SLC35A3: variants seen among roughly 807,000 people sequenced by gnomAD.
SLC35A3 encodes UDP-N-acetylglucosamine transporter.
SLC35A3 carries 26 observed loss-of-function variants against 39.0 expected under a neutral mutation model. The observed-to-expected ratio is 0.67, with a 90% CI of 0.49 to 0.92. The LOEUF is 0.92. Ranked by LOEUF, SLC35A3 falls within the 40% of genes least tolerant of loss-of-function variation. SLC35A3 has a pLI of 0.00. For missense variants in SLC35A3, 299 were observed against 371.6 expected, an observed-to-expected ratio of 0.80 and a Z score of 1.61; for synonymous variants, 135 against 133.1, an observed-to-expected ratio of 1.01 and a Z score of -0.10.
At position 100,033,415 on chromosome 1, in the gene SLC35A3, CTCTTA is replaced by C. The variant is rs1267467194; in HGVS notation, c.*10941_*10945del. The C allele has an allele frequency of 4.7e-5, 7 of 150,360 alleles. No individual in the cohort carries two copies. In the East Asian group the frequency reaches 5.8e-4, roughly 12 times the overall value. 9.3% of individuals were successfully genotyped at this position (150,360 alleles called of 1,614,324 possible). ...TCTCTTATAAGTAATTATTATCCAT[CTCTTA>C]TAAGTAATTATTATAAGTATTTTCT... On this transcript the variant is annotated 3_prime_UTR_variant, in exon 8 of 8. Coordinates refer to ENST00000533028, the MANE Select transcript of SLC35A3 (RefSeq NM_012243.3).
chr1:99,986,771 A>G (rs1470251491), intron 1 of SLC35A3, among the ~76,000 whole-genome samples: 25 of 152,074 alleles, frequency 1.6e-4, no homozygotes. Flanking sequence ...TATTTTTTGT[A>G]GAGACAAGTT....
rs1557855744 is a variant in SLC35A3, at chr1:100,031,759, G to A, written c.*9283G>A. On this transcript the variant is annotated 3_prime_UTR_variant, in exon 8 of 8. Transcript: ENST00000533028. Reference sequence around the variant, plus strand: ...AAAAATGATTTTTTATAGCTTTTTTGTTTTGGAACGAGGGTAAAATCAAGG... The same window carrying A: ...AAAAATGATTTTTTATAGCTTTTTTATTTTGGAACGAGGGTAAAATCAAGG... 1.3e-5 allele frequency: 2 copies of A among 152,036 alleles called. No individual in the cohort carries two copies. Among genetic ancestry groups the A allele is most frequent in the South Asian group, 4.1e-4 (2 of 4,826 alleles). 9.4% of individuals were successfully genotyped at this position (152,036 alleles called of 1,614,324 possible).
intron 5 of SLC35A3, among the ~76,000 whole-genome samples, chr1:100,013,900 T>TA (rs1318936790): frequency 6.6e-6 from 1 of 152,210 alleles, no homozygotes; most frequent in African/African-American, 2.4e-5. Context: ...ACTTCATTTT[T>TA]AAAAATTGCT....
intron 7 of SLC35A3, among the ~76,000 whole-genome samples, chr1:100,018,660 G>T (rs1453555798): frequency 6.6e-6 from 1 of 152,086 alleles, no homozygotes; most frequent in African/African-American, 2.4e-5. Flanking sequence ...CTCACAGGTA[G>T]CTGGGACTAC....
At chr1:99,981,351 A>G (rs1430813262) in intron 1 of SLC35A3, among the ~76,000 whole-genome samples, 2 of 152,252 alleles carry the variant, frequency 1.3e-5, no homozygotes, top group African/African-American at 4.8e-5. Context: ...AAATGTAAAT[A>G]TAGCTTACTC....
intron 5 of SLC35A3, among the ~76,000 whole-genome samples, chr1:100,013,887 A>G (rs977042266): frequency 4.6e-5 from 7 of 152,138 alleles, no homozygotes; most frequent in Non-Finnish European, 1.0e-4. Context: ...TTGATTAGTT[A>G]TAACTTCATT....
At chr1:100,022,325 A>G in intron 7 of SLC35A3, 61 bp from the exon 8 acceptor site, 1 of 852,108 alleles carries the variant, frequency 1.2e-6, no homozygotes, top group Non-Finnish European at 1.9e-6. Flanking sequence ...AAGAAATAGA[A>G]GGAACTTGTT....
rs755035115 is a variant in SLC35A3 at position 100,032,352 on chromosome 1, TATTA to T, written c.*9877_*9880del. The T allele has an allele frequency of 2.6e-5, 4 of 152,334 alleles. No individual in the cohort carries two copies. The highest frequency in any genetic ancestry group is 5.9e-5 in the Non-Finnish European group (4 of 68,024). 9.4% of individuals were successfully genotyped at this position (152,334 alleles called of 1,614,324 possible). On this transcript the variant is annotated 3_prime_UTR_variant, in exon 8 of 8. Coordinates refer to ENST00000533028, the MANE Select transcript of SLC35A3 (RefSeq NM_012243.3). ...TAGTGCTCTAAATTTCTTCTACATTTATTAGTTTATATTCTTTTTTAAAATAAAA... is the reference window on the plus strand; with the variant it reads ...TAGTGCTCTAAATTTCTTCTACATTTGTTTATATTCTTTTTTAAAATAAAA...
At chr1:100,018,984 A>G (rs530889903) in intron 7 of SLC35A3, among the ~76,000 whole-genome samples, 2 of 152,158 alleles carry the variant, frequency 1.3e-5, no homozygotes, top group Non-Finnish European at 2.9e-5. Context: ...TCAGCTTGGT[A>G]TGGAAATGAA....
Position 99,987,610 on chromosome 1 carries a change from T to G in SLC35A3, c.-18-5927T>G, listed in dbSNP as rs546799534. 6.6e-5 allele frequency among the ~76,000 whole-genome samples: 10 copies of G among 152,288 alleles called. No homozygotes were observed. The East Asian group carries it at 1.9e-3, about 29-fold the overall frequency. On this transcript the variant is annotated intron_variant, in intron 1 of 7. Transcript: ENST00000533028. ...GGAATAGATCTCTCTGTAACTATGGTACTTAGCCTAATGTAGGCATGAAAT... is the reference window on the plus strand; with the variant it reads ...GGAATAGATCTCTCTGTAACTATGGGACTTAGCCTAATGTAGGCATGAAAT...
chr1:100,014,676 A>G (rs1162048680), intron 5 of SLC35A3, among the ~76,000 whole-genome samples: 1 of 152,214 alleles, frequency 6.6e-6, no homozygotes, highest in Non-Finnish European at 1.5e-5. Context: ...ACATATTCGA[A>G]TGGGCTAGCC....
rs1360350982 is a variant in SLC35A3, at chr1:100,029,748, T to A, written c.*7272T>A. On this transcript the variant is annotated 3_prime_UTR_variant, in exon 8 of 8. Transcript: ENST00000533028. ...ACCCAGCCCAGAGACTTTTAATTTA[T>A]ACATTGTCATTTTTAATTTTAGAAT... 6.6e-6 allele frequency: 1 copy of A among 152,176 alleles called. No homozygotes were observed. The highest frequency in any genetic ancestry group is 6.5e-5 in the Admixed American group (1 of 15,280). The allele number at this position is 152,176 out of a possible 1,614,324, so 9.4% of individuals were successfully genotyped here.
rs1022633899 is a variant in SLC35A3 at position 100,030,946 on chromosome 1, A to T, written c.*8470A>T. On this transcript the variant is annotated 3_prime_UTR_variant, in exon 8 of 8. Transcript: ENST00000533028. The stretch of plus-strand genomic sequence containing the variant: ...AAGATGTGTGCCCATGTTTCATTTT[A>T]TAACTGTTCCAGTCATATTGCTATG... The T allele has an allele frequency of 6.6e-6, 1 of 152,178 alleles. No individual in the cohort carries two copies. The highest frequency in any genetic ancestry group is 1.5e-5 in the Non-Finnish European group (1 of 68,032). 9.4% of individuals were successfully genotyped at this position (152,178 alleles called of 1,614,324 possible).
rs1446395575 is a variant in SLC35A3, at chr1:100,017,689, G to C, written c.761G>C (p.Gly254Ala). 2 of 1,544,402 alleles carry C rather than the reference G, an allele frequency of 1.3e-6. No individual in the cohort carries two copies. The highest frequency in any genetic ancestry group is 4.8e-5 in the East Asian group (2 of 42,018). ...TWIVVVLQAL[G>A]GLVIAAVIKY... ...ATTTTTTTAAAACTTCAGGCACTTG[G>C]AGGCCTTGTAATAGCTGCTGTTATT... is the stretch of plus-strand genomic sequence containing the variant. Residue 254 changes from glycine to alanine, a missense_variant, in exon 7 of 8, where the codon GGA becomes GCA. Transcript: ENST00000533028.
intron 1 of SLC35A3, among the ~76,000 whole-genome samples, chr1:99,979,724 G>A (rs1197813480): frequency 1.4e-5 from 2 of 146,744 alleles, no homozygotes; most frequent in South Asian, 2.4e-4. Context: ...GTGAGCCACC[G>A]CGCCTGGCCT....
At chr1:99,970,360 C>T (rs1656727274) in intron 1 of SLC35A3, 198 bp downstream of exon 1, 1 of 591,894 alleles carries the variant, frequency 1.7e-6, no homozygotes, top group Non-Finnish European at 3.0e-6. Context: ...TGAGGTGACA[C>T]GTTGTAACTC....
At chr1:99,995,683 T>C (rs1658364059) in intron 2 of SLC35A3, among the ~76,000 whole-genome samples, 5 of 152,152 alleles carry the variant, frequency 3.3e-5, no homozygotes, top group African/African-American at 7.2e-5. Flanking sequence ...GGCATTCCCA[T>C]TGAGATGTCA....
chr1:100,022,290 C>G (rs1557849081), intron 7 of SLC35A3, 96 bp from the exon 8 acceptor site: 3 of 621,550 alleles, frequency 4.8e-6, no homozygotes, highest in Non-Finnish European at 8.3e-6. Flanking sequence ...ACATTTTTCC[C>G]CACATTATAA....
chr1:99,970,734 A>AT, intron 1 of SLC35A3: 2 of 828,934 alleles, frequency 2.4e-6, no homozygotes, highest in Non-Finnish European at 3.7e-6. Flanking sequence ...ATAGTAAAAG[A>AT]CGATCTTTTA....
Sources: gnomAD v4.1 joint callset for allele counts (sites outside exome capture counted in the v4.1 genomes callset) on GRCh38, gnomAD v4.1.1 for gene constraint, MANE v1.5 for transcripts, NCBI Gene and HGNC (gene_info 2026-07-23, HGNC 2026-07-21) for gene names.